The following KCNG4 variants were observed in gnomAD, a reference collection of about 807,000 sequenced individuals.
The protein encoded by KCNG4 is voltage-gated potassium channel regulatory subunit KCNG4.
Under a neutral mutation model 28.2 loss-of-function variants are expected in KCNG4, and 30 were observed. The ratio of observed to expected loss-of-function variants is 1.06; its 90% CI spans 0.80 to 1.44. KCNG4 has a LOEUF of 1.44. Ranked by LOEUF, KCNG4 falls within the 40% of genes most tolerant of loss-of-function variation. The probability of loss-of-function intolerance (pLI) is 0.00; values close to 1 mark genes in which losing one functional copy is unlikely to be tolerated. For synonymous variants in KCNG4, 375 were observed against 315.5 expected (o/e 1.19, Z -2.00); for missense variants, 879 against 712.3 (o/e 1.23, Z -2.66).
At chr16:84,233,369 C>G (rs920946098) in intron 2 of KCNG4, among the ~76,000 whole-genome samples, 7 of 152,140 alleles carry the variant, frequency 4.6e-5, no homozygotes, top group African/African-American at 1.2e-4. Flanking sequence ...CAAAATGGCC[C>G]TGAGGCTGAG....
chr16:84,237,102 C>G lies in KCNG4; in HGVS notation c.384G>C (p.Ala128=), dbSNP rs369629967. The G allele has an allele frequency of 3.1e-6, 5 of 1,614,096 alleles. No homozygotes were observed. The highest frequency in any genetic ancestry group is 4.2e-6 in the Non-Finnish European group (5 of 1,180,024). The stretch of plus-strand genomic sequence containing the variant: ...CCTGCAGAAGCACCAGCTTCCCGGC[C>G]GCCAGGAAGCTCACGATCACCCCGA... ...SAFGVIVSFL[A]AGKLVLLQEM... The change falls in exon 2 of 3, where the codon GCG becomes GCC. Residue 128 remains alanine, a synonymous_variant. Transcript: ENST00000308251.
chr16:84,232,837 T>C lies in KCNG4; in HGVS notation c.756+3893A>G, dbSNP rs193235085. Among the ~76,000 whole-genome samples, 818 of 143,166 alleles carry C rather than the reference T, an allele frequency of 5.7e-3. 4 individuals carry two copies. The highest frequency in any genetic ancestry group is 0.02 in the African/African-American group (759 of 37,582). 93.9% of individuals were successfully genotyped at this position (143,166 alleles called of 152,430 possible). On this transcript the variant is annotated intron_variant, in intron 2 of 2. Transcript: ENST00000308251. ...TTGCTTGAACCTGTGAGTCAGAGGC[T>C]GCAGTGAGCTGAGATTGTGCCACTG...
intron 2 of KCNG4, among the ~76,000 whole-genome samples, chr16:84,232,896 C>CAA (rs60683135): frequency 0.081 from 8,757 of 107,834 alleles, 516 homozygotes; most frequent in Non-Finnish European, 0.1. Context: ...GAAACCCTAT[C>CAA]AAAAAAAAAA....
In KCNG4 at chr16:84,220,786, A is replaced by T. The variant is rs1904539268; in HGVS notation, c.*1431T>A. On this transcript the variant is annotated 3_prime_UTR_variant, in exon 3 of 3. Transcript: ENST00000308251. ...GAATCTTGCAGGATTAAGCCCGTGA[A>T]GGAGGGAGGGCTGTCTTGCCTGAAT... 1 of 152,274 alleles carries T rather than the reference A, an allele frequency of 6.6e-6. No individual in the cohort carries two copies. The highest frequency in any genetic ancestry group is 1.5e-5 in the Non-Finnish European group (1 of 68,084). 9.4% of individuals were successfully genotyped at this position (152,274 alleles called of 1,614,324 possible). A position where few individuals can be genotyped will look rare whatever the true frequency, so the allele number is the denominator to read the frequency against.
intron 2 of KCNG4, among the ~76,000 whole-genome samples, chr16:84,232,926 G>C (rs935693123): frequency 6.6e-6 from 1 of 150,678 alleles, no homozygotes; most frequent in South Asian, 2.1e-4. Context: ...ATAGAGCAGG[G>C]CTGCTCAGAA....
Position 84,236,917 on chromosome 16 carries a change from G to A in KCNG4, c.569C>T (p.Thr190Ile), listed in dbSNP as rs770440159. ...REDVLRQQRE[T>I]RRPASHSSRW... ...CGAGGAGTGCGAGGCGGGGCGGCGG[G>A]TCTCCCTCTGCTGCCTCAGTACGTC... Residue 190 changes from threonine (T) to isoleucine (I), a missense_variant, in exon 2 of 3, where the codon ACC becomes ATC. Thr to Ile is a moderately conservative substitution (Grantham distance 89, BLOSUM62 -1). Coordinates refer to ENST00000308251, the MANE Select transcript of KCNG4 (RefSeq NM_172347.3). The A allele has an allele frequency of 6.2e-7, 1 of 1,613,492 alleles. No homozygotes were observed. The highest frequency in any genetic ancestry group is 8.5e-7 in the Non-Finnish European group (1 of 1,180,018).
intron 2 of KCNG4, 147 bp downstream of exon 2, chr16:84,236,583 C>G (rs540362044): frequency 1.1e-6 from 1 of 944,172 alleles, no homozygotes; most frequent in East Asian, 2.7e-5. Flanking sequence ...GACTGATGGC[C>G]TAATAATGAA....
rs1386803682 is a variant in KCNG4, at chr16:84,222,287, T to C, written c.1490A>G (p.Glu497Gly). Reference sequence around the variant, plus strand: ...ATTGACATCGTTCATGAGCTCATGTTCACTGGCCACATGGGGGTCCAGGAG... The same window carrying C: ...ATTGACATCGTTCATGAGCTCATGTCCACTGGCCACATGGGGGTCCAGGAG... ...CELLDPHVAS[E>G]HELMNDVNDL... is the part of the protein sequence containing the mutation. Residue 497 changes from glutamate to glycine, a missense_variant, in exon 3 of 3, where the codon GAA becomes GGA. By Grantham distance (98) the Glu-to-Gly change is moderately conservative. Coordinates refer to ENST00000308251, the MANE Select transcript of KCNG4 (RefSeq NM_172347.3). The C allele has an allele frequency of 6.2e-7, 1 of 1,614,200 alleles. No individual in the cohort carries two copies. The highest frequency in any genetic ancestry group is 8.5e-7 in the Non-Finnish European group (1 of 1,180,030).
At position 84,222,923 on chromosome 16, in the gene KCNG4, T is replaced by G. The variant is rs767319825; in HGVS notation, c.854A>C (p.Gln285Pro). The G allele has an allele frequency of 6.2e-7, 1 of 1,609,794 alleles. No individual in the cohort carries two copies. Among genetic ancestry groups the G allele is most frequent in the Non-Finnish European group, 8.5e-7 (1 of 1,177,346 alleles). ...CCCCTGGAAGAACTGACACTTGTCT[T>G]GGGCCTGGACAAACCGCAGGCAGAA... ...LEFCLRFVQA[Q>P]DKCQFFQGPL... Residue 285 changes from glutamine (Q) to proline (P), a missense_variant, in exon 3 of 3, where the codon CAA becomes CCA. Physicochemically the swap from Gln to Pro is moderately conservative, Grantham distance 76. Transcript: ENST00000308251.
chr16:84,232,954 T>A (rs951489498), intron 2 of KCNG4, among the ~76,000 whole-genome samples: 1 of 145,078 alleles, frequency 6.9e-6, no homozygotes, highest in Non-Finnish European at 1.5e-5. Flanking sequence ...TCCAAGGAAA[T>A]CAGAAATTTG....
chr16:84,234,918 C>CGGAAA (rs1299599958), intron 2 of KCNG4, among the ~76,000 whole-genome samples: 1 of 152,172 alleles, frequency 6.6e-6, no homozygotes. Context: ...ATTATCTAAA[C>CGGAAA]GGAAACACAG....
Position 84,222,143 on chromosome 16 carries a change from T to A in KCNG4, c.*74A>T. On this transcript the variant is annotated 3_prime_UTR_variant, in exon 3 of 3. Coordinates refer to ENST00000308251, the MANE Select transcript of KCNG4 (RefSeq NM_172347.3). ...TCTAGAAACACCACCAGGTGGTCTATGCGGGGTACCCTTGAGTGTGTTTCA... is the reference window on the plus strand; with the variant it reads ...TCTAGAAACACCACCAGGTGGTCTAAGCGGGGTACCCTTGAGTGTGTTTCA... 1 of 1,480,066 alleles carries A rather than the reference T, an allele frequency of 6.8e-7. No individual in the cohort carries two copies. 91.7% of individuals were successfully genotyped at this position (1,480,066 alleles called of 1,614,324 possible). A position where few individuals can be genotyped will look rare whatever the true frequency, so the allele number is the denominator to read the frequency against.
At chr16:84,233,112 T>C (rs1347386748) in intron 2 of KCNG4, among the ~76,000 whole-genome samples, 1 of 152,156 alleles carries the variant, frequency 6.6e-6, no homozygotes, top group South Asian at 2.1e-4. Context: ...TGACGGACTT[T>C]CGCTGAGCAC....
At position 84,222,160 on chromosome 16, in the gene KCNG4, T is replaced by C. The variant is rs1904577387; in HGVS notation, c.*57A>G. The C allele has an allele frequency of 6.4e-7, 1 of 1,552,506 alleles. No homozygotes were observed. Among genetic ancestry groups the C allele is most frequent in the East Asian group, 2.3e-5 (1 of 44,398 alleles). ...GTGGTCTATGCGGGGTACCCTTGAGTGTGTTTCAGGCAGGGTGATGGGTTG... is the reference window on the plus strand; with the variant it reads ...GTGGTCTATGCGGGGTACCCTTGAGCGTGTTTCAGGCAGGGTGATGGGTTG... On this transcript the variant is annotated 3_prime_UTR_variant, in exon 3 of 3. Coordinates refer to ENST00000308251, the MANE Select transcript of KCNG4 (RefSeq NM_172347.3).
chr16:84,227,193 C>T (rs1051358137), intron 2 of KCNG4, among the ~76,000 whole-genome samples: 1 of 152,116 alleles, frequency 6.6e-6, no homozygotes, highest in African/African-American at 2.4e-5. Flanking sequence ...TTGGCAGGTC[C>T]TCAAAAGGTT....
Position 84,237,210 on chromosome 16 carries a change from C to G in KCNG4, c.276G>C (p.Arg92=), listed in dbSNP as rs1394586962. The G allele has an allele frequency of 6.2e-7, 1 of 1,614,120 alleles. No homozygotes were observed. The highest frequency in any genetic ancestry group is 1.7e-5 in the Admixed American group (1 of 60,024). ...AGAGCTGCACGATCTCCTCGTAGCTCCGACAGAGCCTGAGTTTGCTCAGGC... is the reference window on the plus strand; with the variant it reads ...AGAGCTGCACGATCTCCTCGTAGCTGCGACAGAGCCTGAGTTTGCTCAGGC... ...LSRLSKLRLC[R]SYEEIVQLCD... The change falls in exon 2 of 3, where the codon CGG becomes CGC. Residue 92 remains arginine, a synonymous_variant. Transcript: ENST00000308251.
intron 2 of KCNG4, among the ~76,000 whole-genome samples, chr16:84,230,438 G>A (rs907839238): frequency 1.4e-5 from 2 of 148,070 alleles, no homozygotes; most frequent in Admixed American, 6.8e-5. Flanking sequence ...CAGGCATGGT[G>A]GTGGGCGCCT....
At position 84,222,042 on chromosome 16, in the gene KCNG4, C is replaced by T; in HGVS notation, c.*175G>A. ...ACACAGTCAGCCTGGGACATCGGGG[C>T]CCCGAGGGACAAGGATCACAGACAC... On this transcript the variant is annotated 3_prime_UTR_variant, in exon 3 of 3. Coordinates refer to ENST00000308251, the MANE Select transcript of KCNG4 (RefSeq NM_172347.3). 1 of 713,766 alleles carries T rather than the reference C, an allele frequency of 1.4e-6. No homozygotes were observed. Among genetic ancestry groups the T allele is most frequent in the South Asian group, 1.8e-5 (1 of 56,068 alleles). 44.2% of individuals were successfully genotyped at this position (713,766 alleles called of 1,614,324 possible).
rs751055675 is a variant in KCNG4, at chr16:84,222,607, G to C, written c.1170C>G (p.Tyr390Ter). Reference sequence around the variant, plus strand: ...CCCGCCCGGACTCCTTCTCGGCCACGTAGACCAAAGGGGAGAAGAGGGTGA... The same window carrying C: ...CCCGCCCGGACTCCTTCTCGGCCACCTAGACCAAAGGGGAGAAGAGGGTGA... ...VAITLFSPLV[Y>*]VAEKESGRVL... The change falls in exon 3 of 3, where the codon TAC (tyrosine) becomes TAG (stop). Residue 390 changes from tyrosine (Y) to a stop codon, truncating the protein, a stop_gained. Coordinates refer to ENST00000308251, the MANE Select transcript of KCNG4 (RefSeq NM_172347.3). LOFTEE classifies it high-confidence loss of function. 1 of 1,613,338 alleles carries C rather than the reference G, an allele frequency of 6.2e-7. No individual in the cohort carries two copies. The highest frequency in any genetic ancestry group is 8.5e-7 in the Non-Finnish European group (1 of 1,179,964).
Sources: gnomAD v4.1 joint callset for allele counts (sites outside exome capture counted in the v4.1 genomes callset) on GRCh38, gnomAD v4.1.1 for gene constraint, MANE v1.5 for transcripts, NCBI Gene and HGNC (gene_info 2026-07-23, HGNC 2026-07-21) for gene names.